Variants in ENPP3 observed in about 807,000 individuals in gnomAD.
ENPP3 encodes ectonucleotide pyrophosphatase/phosphodiesterase family member 3.
Under a neutral mutation model 117.8 loss-of-function variants are expected in ENPP3, and 104 were observed. That is an observed-to-expected ratio of 0.88 (90% CI 0.75 to 1.04). The LOEUF is 1.04. Ranked by LOEUF, ENPP3 falls within the 50% of genes least tolerant of loss-of-function variation. ENPP3 has a pLI of 0.00. For missense variants in ENPP3, 1,026 were observed against 1,051.9 expected, an observed-to-expected ratio of 0.98 and a Z score of 0.34; for synonymous variants, 380 against 349.9, an observed-to-expected ratio of 1.09 and a Z score of -0.96.
chr6:131,639,265 A>ATATATATATATT (rs371737976), intron 1 of ENPP3, among the ~76,000 whole-genome samples: 1 of 107,208 alleles, frequency 9.3e-6, no homozygotes. Context: ...ATATATATAT[A>ATATATATATATT]TTTTTTTTTT....
intron 15 of ENPP3, among the ~76,000 whole-genome samples, chr6:131,695,539 A>G (rs62423416): frequency 0.042 from 6,371 of 152,240 alleles, 216 homozygotes; most frequent in Middle Eastern, 0.14. Context: ...TAGTTTTATT[A>G]TTTTCTTGCC....
chr6:131,661,186 C>G (rs982444695), intron 6 of ENPP3, among the ~76,000 whole-genome samples: 2 of 152,058 alleles, frequency 1.3e-5, no homozygotes, highest in South Asian at 2.1e-4. Context: ...CTTCAGTGAA[C>G]ATGGGAGTGC....
At chr6:131,690,009 T>C (rs1779242577) in intron 14 of ENPP3, among the ~76,000 whole-genome samples, 1 of 152,162 alleles carries the variant, frequency 6.6e-6, no homozygotes. Flanking sequence ...TGCAATCTCA[T>C]GAGAAAACTG....
intron 14 of ENPP3, 89 bp downstream of exon 14, chr6:131,685,996 A>G (rs1004239249): frequency 5.9e-6 from 3 of 505,140 alleles, no homozygotes; most frequent in Non-Finnish European, 1.1e-5. Context: ...GTATATTTCT[A>G]AATCTAAGCT....
At position 131,674,210 on chromosome 6, in the gene ENPP3, G is replaced by A. The variant is rs1364883633; in HGVS notation, c.691G>A (p.Val231Ile). The A allele has an allele frequency of 1.9e-6, 3 of 1,598,190 alleles. No individual in the cohort carries two copies. The highest frequency in any genetic ancestry group is 2.7e-5 in the African/African-American group (2 of 74,256). The change falls in exon 8 of 25, where the codon GTA (valine) becomes ATA (isoleucine). Residue 231 changes from valine (V) to isoleucine (I), a missense_variant. Transcript: ENST00000357639. ...HGIIDNNMYD[V>I]NLNKNFSLSS... ...CATCATTGACAATAATATGTATGAT[G>A]TAAATCTCAACAAGAATTTTTCACT...
intron 18 of ENPP3, among the ~76,000 whole-genome samples, chr6:131,723,823 T>TCA (rs1429717327): frequency 3.5e-5 from 5 of 143,076 alleles, no homozygotes; most frequent in African/African-American, 1.2e-4. Context: ...TCTCTCTCTC[T>TCA]CTCTCACACA....
At chr6:131,652,452 T>A (rs1006070465) in intron 3 of ENPP3, 90 bp from the exon 4 acceptor site, 15 of 1,278,754 alleles carry the variant, frequency 1.2e-5, no homozygotes, top group African/African-American at 1.5e-5. Context: ...AATTTGATTG[T>A]GTTATTATAA....
intron 20 of ENPP3, among the ~76,000 whole-genome samples, chr6:131,729,285 C>T (rs1302578176): frequency 6.6e-6 from 1 of 152,132 alleles, no homozygotes; most frequent in Non-Finnish European, 1.5e-5. Context: ...TAATTAAAAA[C>T]ATACATAGTT....
At chr6:131,711,221 G>A (rs1412627851) in intron 15 of ENPP3, among the ~76,000 whole-genome samples, 2 of 152,108 alleles carry the variant, frequency 1.3e-5, no homozygotes, top group Non-Finnish European at 2.9e-5. Flanking sequence ...ACCTCCCCTG[G>A]CCCTCTTGTT....
Position 131,693,457 on chromosome 6 carries a change from T to C in ENPP3, c.1285-40T>C, listed in dbSNP as rs756014128. On this transcript the variant is annotated intron_variant, in intron 14 of 24. Transcript: ENST00000357639. ...GATGAACTTTTAAAATTAATTTGCA[T>C]ATCTTATGTATCATAAAGAAATATT... is the stretch of plus-strand genomic sequence containing the variant. The C allele has an allele frequency of 8.1e-5, 125 of 1,551,746 alleles. 3 individuals carry two copies. Among genetic ancestry groups the C allele is most frequent in the Middle Eastern group, 1.7e-4 (1 of 5,844 alleles).
At chr6:131,745,773 T>C (rs1212079245) in intron 24 of ENPP3, among the ~76,000 whole-genome samples, 1 of 152,140 alleles carries the variant, frequency 6.6e-6, no homozygotes, top group South Asian at 2.1e-4. Context: ...GAACTGTAAA[T>C]TGGTACGAAG....
At chr6:131,641,028 A>T (rs1778028823) in intron 1 of ENPP3, among the ~76,000 whole-genome samples, 1 of 152,178 alleles carries the variant, frequency 6.6e-6, no homozygotes, top group Non-Finnish European at 1.5e-5. Flanking sequence ...TAGGAAAAAA[A>T]GCCCTGCTCC....
chr6:131,637,913 T>TTTC (rs1554259470), intron 1 of ENPP3, among the ~76,000 whole-genome samples: 113 of 152,144 alleles, frequency 7.4e-4, no homozygotes, highest in African/African-American at 2.6e-3. Context: ...TGTGGTAAGA[T>TTTC]CTGCCACCCC....
At chr6:131,642,415 C>T (rs1031922554) in intron 2 of ENPP3, among the ~76,000 whole-genome samples, 1 of 152,106 alleles carries the variant, frequency 6.6e-6, no homozygotes, top group African/African-American at 2.4e-5. Flanking sequence ...AAATACCTCA[C>T]ATTCCTTTTG....
At chr6:131,696,769 C>CT (rs71710247) in intron 15 of ENPP3, among the ~76,000 whole-genome samples, 5,854 of 133,022 alleles carry the variant, frequency 0.044, 196 homozygotes, top group Non-Finnish European at 0.059. Flanking sequence ...CCCAGAGCAC[C>CT]TTTTTTTTTT....
chr6:131,674,991 A>C (rs1163060223), intron 8 of ENPP3, 89 bp from the exon 9 acceptor site: 3 of 730,582 alleles, frequency 4.1e-6, no homozygotes, highest in Non-Finnish European at 7.4e-6. Context: ...TACATGTTGC[A>C]ACTATTAATC....
chr6:131,658,553 C>T, intron 6 of ENPP3, 133 bp downstream of exon 6: 1 of 570,936 alleles, frequency 1.8e-6, no homozygotes, highest in Middle Eastern at 4.5e-4. Context: ...GACTTTACCA[C>T]ATGGTTTCTA....
intron 15 of ENPP3, among the ~76,000 whole-genome samples, chr6:131,695,437 T>C (rs1025245995): frequency 1.3e-5 from 2 of 152,220 alleles, no homozygotes; most frequent in African/African-American, 2.4e-5. Context: ...CAAGAGTTCA[T>C]GGCCAGGCTC....
chr6:131,724,226 T>TAAAAAA lies in ENPP3; in HGVS notation c.1798+143_1798+148dup, dbSNP rs397941468. 8.5e-5 allele frequency: 36 copies of TAAAAAA among 424,260 alleles called. 1 individual carries two copies. The African/African-American group carries it at 1.0e-3, about 12-fold the overall frequency. 26.3% of individuals were successfully genotyped at this position (424,260 alleles called of 1,614,324 possible). ...GATTTTATTGCCAATATACAAAAGGTAAAAAAAAAAAAACTCACAACAGAT... is the reference window on the plus strand; with the variant it reads ...GATTTTATTGCCAATATACAAAAGGTAAAAAAAAAAAAAAAAAAACTCACAACAGAT... On this transcript the variant is annotated intron_variant, in intron 19 of 24. Coordinates refer to ENST00000357639, the MANE Select transcript of ENPP3 (RefSeq NM_005021.5).
Sources: allele counts gnomAD v4.1 joint callset (sites outside exome capture counted in the v4.1 genomes callset), GRCh38; gene constraint gnomAD v4.1.1; transcripts MANE v1.5; gene names NCBI Gene and HGNC (gene_info 2026-07-23, HGNC 2026-07-21).